Variants in RAD54L2 observed in about 807,000 individuals in gnomAD.
RAD54L2 encodes helicase ARIP4.
Under a neutral mutation model 138.4 loss-of-function variants are expected in RAD54L2, and 27 were observed. The observed-to-expected ratio is 0.20, with a 90% CI of 0.14 to 0.27. RAD54L2 has a LOEUF of 0.27. Ranked by LOEUF, RAD54L2 falls within the 10% of genes least tolerant of loss-of-function variation. The pLI, the probability that RAD54L2 is intolerant of heterozygous loss-of-function variation, is 1.00. For missense variants in RAD54L2, 1,396 were observed against 1,890.2 expected (o/e 0.74, Z 4.85); for synonymous variants, 644 against 723.2 (o/e 0.89, Z 1.76).
At chr3:51,543,623 A>T (rs1188714846) in intron 2 of RAD54L2, among the ~76,000 whole-genome samples, 1 of 151,846 alleles carries the variant, frequency 6.6e-6, no homozygotes, top group Non-Finnish European at 1.5e-5. Context: ...AAAAAAAAAA[A>T]AAAAGAGTAA....
chr3:51,642,684 C>T (rs545638763), intron 15 of RAD54L2, among the ~76,000 whole-genome samples: 8 of 152,160 alleles, frequency 5.3e-5, no homozygotes, highest in South Asian at 2.1e-4. Context: ...CAAAATGTCC[C>T]GTGGGGAGTG....
Position 51,639,987 on chromosome 3 carries a change from T to C in RAD54L2, c.2219T>C (p.Ile740Thr). 1 of 1,600,248 alleles carries C rather than the reference T, an allele frequency of 6.2e-7. No individual in the cohort carries two copies. Among genetic ancestry groups the C allele is most frequent in the Non-Finnish European group, 8.6e-7 (1 of 1,168,614 alleles). ...GAAAGTGTGAAGCTTGGGGACAAGA[T>C]CCTTGTGTTTAGGTAGGATGAGAAA... The part of the protein sequence containing the change: ...IEESVKLGDK[I>T]LVFSQSLSTL... The change falls in exon 14 of 23, where the codon ATC becomes ACC. Residue 740 changes from isoleucine to threonine, a missense_variant. Physicochemically the swap from Ile to Thr is moderately conservative, Grantham distance 89 (BLOSUM62 -1). This residue lies in a region of RAD54L2 where 211 missense variants were observed against 273.8 expected (regional missense o/e 0.77). Coordinates refer to ENST00000684192, the MANE Select transcript of RAD54L2 (RefSeq NM_015106.4).
intron 19 of RAD54L2, among the ~76,000 whole-genome samples, chr3:51,653,683 A>G (rs2106841326): frequency 6.6e-6 from 1 of 152,338 alleles, no homozygotes; most frequent in Non-Finnish European, 1.5e-5. Context: ...TCACAAGGAC[A>G]GAAAACCAAA....
intron 3 of RAD54L2, among the ~76,000 whole-genome samples, chr3:51,591,477 T>C (rs572791290): frequency 6.6e-6 from 1 of 152,186 alleles, no homozygotes; most frequent in African/African-American, 2.4e-5. Flanking sequence ...ATCCTCTGTC[T>C]TTACTGGTGT....
At chr3:51,661,063 T>A (rs1228588785) in intron 22 of RAD54L2, among the ~76,000 whole-genome samples, 1 of 151,408 alleles carries the variant, frequency 6.6e-6, no homozygotes, top group African/African-American at 2.4e-5. Flanking sequence ...AAACGATTCT[T>A]CTGACTCAGC....
chr3:51,634,582 C>T (rs1577444925), intron 9 of RAD54L2, among the ~76,000 whole-genome samples: 1 of 152,098 alleles, frequency 6.6e-6, no homozygotes, highest in Non-Finnish European at 1.5e-5. Context: ...GTTGGCCAGG[C>T]TGGTCTCGAA....
intron 3 of RAD54L2, among the ~76,000 whole-genome samples, chr3:51,596,034 T>A (rs1699953747): frequency 7.8e-6 from 1 of 128,458 alleles, no homozygotes; most frequent in African/African-American, 2.9e-5. Context: ...GGTCAGGTGG[T>A]CCTCCCACCT....
chr3:51,577,981 G>A (rs1388800762), intron 2 of RAD54L2, among the ~76,000 whole-genome samples: 2 of 151,916 alleles, frequency 1.3e-5, no homozygotes, highest in African/African-American at 2.4e-5. Context: ...ATTGCCTAAG[G>A]ATGTTCTGTT....
At position 51,627,540 on chromosome 3, in the gene RAD54L2, C is replaced by G. The variant is rs1457962092; in HGVS notation, c.140-13C>G. ...ACCCCTATAAAGCAATGTCTTTCCC[C>G]TTGTTTTTTCAGACCCATCCCTGGA... On this transcript the variant is annotated splice_polypyrimidine_tract_variant and intron_variant, in intron 3 of 22. Coordinates refer to ENST00000684192, the MANE Select transcript of RAD54L2 (RefSeq NM_015106.4). 1 of 1,549,612 alleles carries G rather than the reference C, an allele frequency of 6.5e-7. No homozygotes were observed. Among genetic ancestry groups the G allele is most frequent in the Non-Finnish European group, 8.7e-7 (1 of 1,146,580 alleles).
At chr3:51,648,589 C>T (rs1283185056) in intron 19 of RAD54L2, among the ~76,000 whole-genome samples, 7 of 152,122 alleles carry the variant, frequency 4.6e-5, no homozygotes, top group East Asian at 1.9e-4. Flanking sequence ...CCCTCTGAGA[C>T]GAAGCTTCCA....
intron 2 of RAD54L2, among the ~76,000 whole-genome samples, chr3:51,582,574 C>T (rs994578625): frequency 6.6e-6 from 1 of 151,836 alleles, no homozygotes; most frequent in Non-Finnish European, 1.5e-5. Flanking sequence ...CCCTCCACCC[C>T]CCACAACTCT....
intron 19 of RAD54L2, among the ~76,000 whole-genome samples, chr3:51,654,255 G>A (rs1701534671): frequency 6.6e-6 from 1 of 152,164 alleles, no homozygotes; most frequent in Admixed American, 6.5e-5. Context: ...CACCATGTTG[G>A]CCAGGCTGGT....
chr3:51,562,994 C>T (rs1240558825), intron 2 of RAD54L2, among the ~76,000 whole-genome samples: 1 of 152,158 alleles, frequency 6.6e-6, no homozygotes, highest in Admixed American at 6.6e-5. Context: ...TACCCCATTC[C>T]CTGGACATTA....
At chr3:51,574,252 A>G (rs1174558687) in intron 2 of RAD54L2, among the ~76,000 whole-genome samples, 1 of 152,042 alleles carries the variant, frequency 6.6e-6, no homozygotes. Flanking sequence ...TCACTGATGG[A>G]CATTTGGGTT....
At chr3:51,590,621 T>G in intron 3 of RAD54L2, 62 bp downstream of exon 3, 1 of 1,551,870 alleles carries the variant, frequency 6.4e-7, no homozygotes, top group East Asian at 2.4e-5. Flanking sequence ...GAATTTTTGC[T>G]GGGAGACCTT....
intron 3 of RAD54L2, among the ~76,000 whole-genome samples, chr3:51,607,254 G>A (rs1242042742): frequency 6.6e-6 from 1 of 151,434 alleles, no homozygotes; most frequent in Non-Finnish European, 1.5e-5. Context: ...GGGCCCTGCC[G>A]CCTTCCGCAG....
In RAD54L2 at chr3:51,635,713, G is replaced by A. The variant is rs750532396; in HGVS notation, c.1263G>A (p.Pro421=). The A allele has an allele frequency of 1.2e-6, 2 of 1,613,840 alleles. No individual in the cohort carries two copies. The highest frequency in any genetic ancestry group is 1.7e-6 in the Non-Finnish European group (2 of 1,179,840). ...AGAAATCATTTGCCACAGGTAGACC[G>A]AAGAAAACCAAGAAGCGTTCTCACC... ...TLKKSFATGR[P]KKTKKRSHPV... The change falls in exon 10 of 23, where the codon CCG becomes CCA. Residue 421 remains proline, a synonymous_variant. Coordinates refer to ENST00000684192, the MANE Select transcript of RAD54L2 (RefSeq NM_015106.4).
chr3:51,635,768 C>T lies in RAD54L2; in HGVS notation c.1318C>T (p.Arg440Trp), dbSNP rs1700970343. ...PVIIDLDEEDRQQEFRREFEK... is the reference protein window; with the variant it reads ...PVIIDLDEEDWQQEFRREFEK... ...CATCATTGATCTAGATGAGGAAGAT[C>T]GGCAGCAGGAGTTTCGGAGAGGTGG... The change falls in exon 10 of 23, where the codon CGG (arginine) becomes TGG (tryptophan). Residue 440 changes from arginine (R) to tryptophan (W), a missense_variant. Physicochemically the swap from Arg to Trp is moderately radical, Grantham distance 101. This residue lies in a region of RAD54L2 where 169 missense variants were observed against 235.6 expected (regional missense o/e 0.72). Coordinates refer to ENST00000684192, the MANE Select transcript of RAD54L2 (RefSeq NM_015106.4). The T allele has an allele frequency of 4.3e-6, 7 of 1,610,992 alleles. No homozygotes were observed. Among genetic ancestry groups the T allele is most frequent in the East Asian group, 4.5e-5 (2 of 44,804 alleles).
chr3:51,590,847 G>A, intron 3 of RAD54L2, among the ~76,000 whole-genome samples: 1 of 152,212 alleles, frequency 6.6e-6, no homozygotes, highest in East Asian at 1.9e-4. Context: ...ACTTGCCCAG[G>A]TCATGGAGGA....
Sources: allele counts gnomAD v4.1 joint callset (sites outside exome capture counted in the v4.1 genomes callset), GRCh38; gene constraint gnomAD v4.1.1; regional missense constraint gnomAD v4.1.1; transcripts MANE v1.5; gene names NCBI Gene and HGNC (gene_info 2026-07-23, HGNC 2026-07-21).